The following RAD54B variants were observed in gnomAD, a reference collection of about 807,000 sequenced individuals.
RAD54B encodes the protein RAD54 homolog B.
Under a neutral mutation model 95.8 loss-of-function variants are expected in RAD54B, and 78 were observed. That is an observed-to-expected ratio of 0.81 (90% CI 0.68 to 0.98). RAD54B has a LOEUF of 0.98. Ranked by LOEUF, RAD54B falls within the 50% of genes least tolerant of loss-of-function variation. The pLI is 0.00. For missense variants in RAD54B, 957 were observed against 1,056.6 expected, an observed-to-expected ratio of 0.91 and a Z score of 1.31; for synonymous variants, 328 against 354.9, an observed-to-expected ratio of 0.92 and a Z score of 0.85.
chr8:94,404,020 G>A, intron 6 of RAD54B, 57 bp downstream of exon 6: 2 of 1,331,674 alleles, frequency 1.5e-6, no homozygotes, highest in Non-Finnish European at 2.0e-6. Context: ...AACCATTATT[G>A]TGTTACAGGT....
chr8:94,404,334 A>G, intron 5 of RAD54B, 95 bp from the exon 6 acceptor site: 3 of 1,248,198 alleles, frequency 2.4e-6, no homozygotes, highest in East Asian at 2.7e-5. Context: ...AATGTTTGCC[A>G]TCATTTGTGG....
intron 3 of RAD54B, among the ~76,000 whole-genome samples, chr8:94,444,383 G>C (rs1399974724): frequency 2.7e-5 from 4 of 148,490 alleles, no homozygotes; most frequent in Non-Finnish European, 4.4e-5. Flanking sequence ...CATGCATAAG[G>C]ATGTTCACTG....
chr8:94,444,340 C>T (rs939558396), intron 3 of RAD54B, among the ~76,000 whole-genome samples: 2 of 151,066 alleles, frequency 1.3e-5, no homozygotes, highest in African/African-American at 2.4e-5. Context: ...TCTGACAACT[C>T]CTGAGAAATA....
At chr8:94,456,308 G>C (rs985959085) in intron 3 of RAD54B, among the ~76,000 whole-genome samples, 1 of 152,144 alleles carries the variant, frequency 6.6e-6, no homozygotes, top group Admixed American at 6.5e-5. Flanking sequence ...GGCTCTTTCA[G>C]TTGAAAGAGA....
Position 94,458,413 on chromosome 8 carries a change from A to G in RAD54B, c.159T>C (p.Phe53=), listed in dbSNP as rs1479476190. Residue 53 remains phenylalanine (F), a synonymous_variant, in exon 3 of 15, where the codon TTT becomes TTC. Transcript: ENST00000336148. ...TTCTAAGATCATTTTGTGACGGGAG[A>G]AAGGTGTTATTAATTGCAACACCCT... is the stretch of plus-strand genomic sequence containing the variant. The part of the protein sequence containing the change: ...LFEGVAINNT[F]LPSQNDLRIC... The G allele has an allele frequency of 1.9e-6, 3 of 1,596,298 alleles. No homozygotes were observed. Among genetic ancestry groups the G allele is most frequent in the Non-Finnish European group, 1.7e-6 (2 of 1,173,808 alleles).
At chr8:94,460,840 T>C (rs2930956) in intron 2 of RAD54B, among the ~76,000 whole-genome samples, 37,938 of 151,928 alleles carry the variant, frequency 0.25, 5,684 homozygotes, top group East Asian at 0.43. Context: ...CTATGTTACA[T>C]CTCTCTGACC....
At chr8:94,447,441 C>A (rs1178452788) in intron 3 of RAD54B, among the ~76,000 whole-genome samples, 1 of 152,198 alleles carries the variant, frequency 6.6e-6, no homozygotes. Flanking sequence ...TTCACTTAAT[C>A]ATTTTATCAG....
chr8:94,378,421 T>A lies in RAD54B; in HGVS notation c.2315-41A>T, dbSNP rs1179996647. On this transcript the variant is annotated intron_variant, in intron 13 of 14. Coordinates refer to ENST00000336148, the MANE Select transcript of RAD54B (RefSeq NM_012415.3). ...TAATTAGATTTCCTTCAGATCTTTA[T>A]GTTCATTATTTTTGTTGGGTATAAT... The A allele has an allele frequency of 1.9e-6, 3 of 1,562,388 alleles. No individual in the cohort carries two copies. The Admixed American group carries it at 5.4e-5, about 28-fold the overall frequency.
At chr8:94,380,778 A>G (rs1810720033) in intron 11 of RAD54B, among the ~76,000 whole-genome samples, 1 of 152,184 alleles carries the variant, frequency 6.6e-6, no homozygotes, top group Non-Finnish European at 1.5e-5. Context: ...TACATGCCCA[A>G]AGAGGGAGAT....
At chr8:94,436,379 T>C in intron 3 of RAD54B, 1 of 1,284,392 alleles carries the variant, frequency 7.8e-7, no homozygotes, top group Non-Finnish European at 1.0e-6. Flanking sequence ...ACAAAGACAC[T>C]ATTCATTGCT....
At chr8:94,373,542 C>A (rs1252648457) in intron 14 of RAD54B, among the ~76,000 whole-genome samples, 6 of 152,186 alleles carry the variant, frequency 3.9e-5, no homozygotes, top group Non-Finnish European at 8.8e-5. Flanking sequence ...CTCTAAGGTC[C>A]AAATGGATGG....
intron 3 of RAD54B, among the ~76,000 whole-genome samples, chr8:94,420,039 T>A (rs1379439004): frequency 6.6e-6 from 1 of 152,100 alleles, no homozygotes; most frequent in African/African-American, 2.4e-5. Context: ...AGTACAGGTT[T>A]ACAGTCTAGG....
At chr8:94,407,407 A>G in intron 5 of RAD54B, 32 bp downstream of exon 5, 1 of 1,557,078 alleles carries the variant, frequency 6.4e-7, no homozygotes, top group African/African-American at 1.4e-5. Flanking sequence ...GACAGTAAAA[A>G]CAGAAAATTC....
Position 94,458,354 on chromosome 8 carries a change from G to A in RAD54B, c.218C>T (p.Thr73Ile), listed in dbSNP as rs200184918. The A allele has an allele frequency of 3.3e-5, 53 of 1,609,394 alleles. No individual in the cohort carries two copies. The East Asian group carries it at 1.1e-3, about 33-fold the overall frequency. The change falls in exon 3 of 15, where the codon ACT (threonine) becomes ATT (isoleucine). Residue 73 changes from threonine to isoleucine, a missense_variant. Physicochemically the swap from Thr to Ile is moderately conservative, Grantham distance 89. Transcript: ENST00000336148. ...CSLNLPSEESTREINNRDNCS... is the reference protein window; with the variant it reads ...CSLNLPSEESIREINNRDNCS... ...ATTATCTCTGTTATTGATTTCTCTA[G>A]TACTTTCTTCACTAGGCAGATTTAA...
chr8:94,439,815 C>G (rs925028171), intron 3 of RAD54B, among the ~76,000 whole-genome samples: 8 of 152,096 alleles, frequency 5.3e-5, no homozygotes, highest in African/African-American at 1.9e-4. Flanking sequence ...ATTGTAGGCA[C>G]CAAGTTTTAT....
At position 94,400,357 on chromosome 8, in the gene RAD54B, C is replaced by T. The variant is rs1466771386; in HGVS notation, c.1051G>A (p.Gly351Ser). ...AGTGTCTTCTTTATTACTGGCTTGC[C>T]TCCATAGGGTCCCTGACACTGCAGG... Reference protein sequence around the residue: ...WTLQCQGPYGGKPVIKKTLIV... With the variant: ...WTLQCQGPYGSKPVIKKTLIV... Residue 351 changes from glycine to serine, a missense_variant, in exon 7 of 15, where the codon GGC becomes AGC. Physicochemically the swap from Gly to Ser is moderately conservative, Grantham distance 56. Transcript: ENST00000336148. 3 of 1,613,596 alleles carry T rather than the reference C, an allele frequency of 1.9e-6. No homozygotes were observed. The African/African-American group carries it at 4.0e-5, about 22-fold the overall frequency.
chr8:94,376,934 T>C (rs1810591104), intron 14 of RAD54B, among the ~76,000 whole-genome samples: 1 of 152,060 alleles, frequency 6.6e-6, no homozygotes, highest in South Asian at 2.1e-4. Context: ...CATCTCAGTC[T>C]TATATAGTCT....
At chr8:94,455,398 T>G (rs1812757004) in intron 3 of RAD54B, among the ~76,000 whole-genome samples, 1 of 152,186 alleles carries the variant, frequency 6.6e-6, no homozygotes, top group Admixed American at 6.5e-5. Flanking sequence ...ATTTAAAACC[T>G]TAACAAGAGA....
intron 3 of RAD54B, among the ~76,000 whole-genome samples, chr8:94,439,854 C>G (rs1812358592): frequency 6.6e-6 from 1 of 152,148 alleles, no homozygotes; most frequent in East Asian, 1.9e-4. Context: ...AGATAGCAGA[C>G]TTCAGAGAGA....
Sources: allele counts gnomAD v4.1 joint callset (sites outside exome capture counted in the v4.1 genomes callset), GRCh38; gene constraint gnomAD v4.1.1; transcripts MANE v1.5; gene names NCBI Gene and HGNC (gene_info 2026-07-23, HGNC 2026-07-21).